The following NEIL2 variants were observed in gnomAD, a reference collection of about 807,000 sequenced individuals.
The protein encoded by NEIL2 is endonuclease 8-like 2.
NEIL2 carries 23 observed loss-of-function variants against 22.2 expected under a neutral mutation model. That is an observed-to-expected ratio of 1.04 (90% CI 0.75 to 1.47). NEIL2 has a LOEUF of 1.47. Among genes scored for constraint, NEIL2 ranks in the 40% most tolerant of loss-of-function variants. The pLI is 0.00. For synonymous variants in NEIL2, 229 were observed against 164.8 expected (o/e 1.39, Z -2.99); for missense variants, 583 against 404.7 (o/e 1.44, Z -3.78).
chr8:11,784,172 CGGA>C (rs1362166711), intron 4 of NEIL2, among the ~76,000 whole-genome samples: 2 of 152,142 alleles, frequency 1.3e-5, no homozygotes, highest in African/African-American at 4.8e-5. Flanking sequence ...TCACGAGGGT[CGGA>C]GGAGGCCAGG....
chr8:11,782,847 T>G (rs1275311342), intron 3 of NEIL2: 2 of 342,702 alleles, frequency 5.8e-6, no homozygotes, highest in Admixed American at 4.4e-5. Context: ...TGTAACGATG[T>G]GGGGATGTGT....
chr8:11,773,459 C>T (rs896888077), intron 2 of NEIL2, among the ~76,000 whole-genome samples: 9 of 152,092 alleles, frequency 5.9e-5, no homozygotes, highest in Non-Finnish European at 1.2e-4. Context: ...CGGCTTGTAT[C>T]GACACAGGCC....
chr8:11,775,537 G>T (rs1414960581), intron 2 of NEIL2, among the ~76,000 whole-genome samples: 1 of 152,204 alleles, frequency 6.6e-6, no homozygotes, highest in Non-Finnish European at 1.5e-5. Flanking sequence ...TTGGTGGTTA[G>T]CATTTGACTC....
In NEIL2 at chr8:11,785,985, C is replaced by G. The variant is rs1804894120; in HGVS notation, c.711C>G (p.Ala237=). Residue 237 remains alanine, a synonymous_variant, in exon 5 of 5, where the codon GCC becomes GCG. Coordinates refer to ENST00000284503, the MANE Select transcript of NEIL2 (RefSeq NM_145043.4). Reference sequence around the variant, plus strand: ...CAGGGAACATCATTAAGAATGAAGCCTTGTACAGAGCTGGGATCCATCCCC... The same window carrying G: ...CAGGGAACATCATTAAGAATGAAGCGTTGTACAGAGCTGGGATCCATCCCC... ...SGLGNIIKNE[A]LYRAGIHPLS... 6.2e-7 allele frequency: 1 copy of G among 1,614,114 alleles called. No homozygotes were observed. Among genetic ancestry groups the G allele is most frequent in the South Asian group, 1.1e-5 (1 of 91,082 alleles).
intron 2 of NEIL2, among the ~76,000 whole-genome samples, chr8:11,776,495 G>A (rs1238125619): frequency 3.3e-5 from 5 of 152,236 alleles, no homozygotes; most frequent in African/African-American, 1.2e-4. Context: ...GGATAATGCT[G>A]CTGTGGGCAT....
chr8:11,775,968 C>G (rs568511447), intron 2 of NEIL2, among the ~76,000 whole-genome samples: 2 of 152,216 alleles, frequency 1.3e-5, no homozygotes, highest in African/African-American at 4.8e-5. Flanking sequence ...GTTTCAACCT[C>G]TGCCTGTTAC....
intron 4 of NEIL2, 31 bp downstream of exon 4, chr8:11,783,430 A>G (rs1804624406): frequency 1.3e-6 from 2 of 1,596,396 alleles, no homozygotes; most frequent in African/African-American, 1.3e-5. Context: ...GTGAGTCCAC[A>G]GAGTTGCTTC....
At chr8:11,776,757 G>A (rs952758079) in intron 2 of NEIL2, among the ~76,000 whole-genome samples, 4 of 152,154 alleles carry the variant, frequency 2.6e-5, no homozygotes, top group Non-Finnish European at 5.9e-5. Flanking sequence ...TAGGTCCCCT[G>A]GGTTCTCTCT....
rs542226920 is a variant in NEIL2, at chr8:11,783,085, G to A, written c.492-118G>A. On this transcript the variant is annotated intron_variant, in intron 3 of 4. Transcript: ENST00000284503. ...TGTGTATGATCCAGCCACAGAGTGT[G>A]CTCTATGTTGTGGTAACGATGTGGG... is the stretch of plus-strand genomic sequence containing the variant. 64 of 829,728 alleles carry A rather than the reference G, an allele frequency of 7.7e-5. No individual in the cohort carries two copies. In the African/African-American group the frequency reaches 1.0e-3, roughly 13 times the overall value. The allele number at this position is 829,728 out of a possible 1,614,324, so 51.4% of individuals were successfully genotyped here.
chr8:11,774,973 C>T (rs1221552752), intron 2 of NEIL2, among the ~76,000 whole-genome samples: 1 of 152,238 alleles, frequency 6.6e-6, no homozygotes, highest in Non-Finnish European at 1.5e-5. Context: ...CACAGGCTGG[C>T]ATTGAGTGTC....
chr8:11,786,461 C>G lies in NEIL2; in HGVS notation c.*188C>G. On this transcript the variant is annotated 3_prime_UTR_variant, in exon 5 of 5. Transcript: ENST00000284503. Reference sequence around the variant, plus strand: ...TTTCATAGGGTTAGATTTTTTTTATCCTTTTCTAGTTCAGTTAATTCATCC... The same window carrying G: ...TTTCATAGGGTTAGATTTTTTTTATGCTTTTCTAGTTCAGTTAATTCATCC... 1 of 630,124 alleles carries G rather than the reference C, an allele frequency of 1.6e-6. No homozygotes were observed. Among genetic ancestry groups the G allele is most frequent in the Non-Finnish European group, 2.8e-6 (1 of 355,226 alleles). The allele number at this position is 630,124 out of a possible 1,614,324, so 39.0% of individuals were successfully genotyped here.
At chr8:11,780,208 G>A (rs866991488) in intron 3 of NEIL2, among the ~76,000 whole-genome samples, 1 of 152,184 alleles carries the variant, frequency 6.6e-6, no homozygotes, top group African/African-American at 2.4e-5. Context: ...GGCACTTGAG[G>A]GGGGACTGTC....
chr8:11,774,833 G>C (rs941418612), intron 2 of NEIL2, among the ~76,000 whole-genome samples: 1 of 152,256 alleles, frequency 6.6e-6, no homozygotes, highest in Non-Finnish European at 1.5e-5. Context: ...AAATCTTAAA[G>C]CTCCAAAATG....
intron 2 of NEIL2, among the ~76,000 whole-genome samples, chr8:11,771,930 C>G (rs1803487230): frequency 6.6e-6 from 1 of 152,154 alleles, no homozygotes; most frequent in South Asian, 2.1e-4. Flanking sequence ...ACCGGCTGGG[C>G]ACGGTGGCTC....
chr8:11,776,945 C>G (rs1388976333), intron 2 of NEIL2, among the ~76,000 whole-genome samples: 1 of 152,174 alleles, frequency 6.6e-6, no homozygotes, highest in Non-Finnish European at 1.5e-5. Flanking sequence ...GTAGTGCTAA[C>G]AGCGCACGCC....
rs771859753 is a variant in NEIL2 at position 11,786,110 on chromosome 8, G to C, written c.836G>C (p.Arg279Thr). ...TAWLQGKFQGRPQHTQVYQKE... is the reference protein window; with the variant it reads ...TAWLQGKFQGTPQHTQVYQKE... ...TGGCTGCAGGGCAAGTTCCAAGGCAGACCGCAGCACACACAGGTCTACCAG... is the reference window on the plus strand; with the variant it reads ...TGGCTGCAGGGCAAGTTCCAAGGCACACCGCAGCACACACAGGTCTACCAG... The change falls in exon 5 of 5, where the codon AGA (arginine) becomes ACA (threonine). Residue 279 changes from arginine (R) to threonine (T), a missense_variant. Physicochemically the swap from Arg to Thr is moderately conservative, Grantham distance 71. Transcript: ENST00000284503. 1 of 1,614,046 alleles carries C rather than the reference G, an allele frequency of 6.2e-7. No homozygotes were observed. The highest frequency in any genetic ancestry group is 1.3e-5 in the African/African-American group (1 of 74,906).
Position 11,786,034 on chromosome 8 carries a change from G to A in NEIL2, c.760G>A (p.Ala254Thr). 1 of 1,614,140 alleles carries A rather than the reference G, an allele frequency of 6.2e-7. No homozygotes were observed. The highest frequency in any genetic ancestry group is 8.5e-7 in the Non-Finnish European group (1 of 1,180,004). Residue 254 changes from alanine (A) to threonine (T), a missense_variant, in exon 5 of 5, where the codon GCC becomes ACC. Ala to Thr is a moderately conservative substitution (Grantham distance 58, BLOSUM62 0). Coordinates refer to ENST00000284503, the MANE Select transcript of NEIL2 (RefSeq NM_145043.4). The stretch of plus-strand genomic sequence containing the variant: ...CCTTTCTCTCGGTTCAGTCCTGAGT[G>A]CCTCGCGTCGGGAGGTCCTGGTGGA... ...HPLSLGSVLS[A>T]SRREVLVDHV...
At chr8:11,783,629 A>G (rs1396189195) in intron 4 of NEIL2, among the ~76,000 whole-genome samples, 1 of 152,214 alleles carries the variant, frequency 6.6e-6, no homozygotes, top group Non-Finnish European at 1.5e-5. Flanking sequence ...TAACTGTGTT[A>G]TCAGTTGTGA....
chr8:11,776,240 C>T (rs995085845), intron 2 of NEIL2, among the ~76,000 whole-genome samples: 2 of 152,162 alleles, frequency 1.3e-5, no homozygotes, highest in Non-Finnish European at 2.9e-5. Context: ...GGGGAACTGC[C>T]CTTTATAAAA....
Sources: gnomAD v4.1 joint callset for allele counts (sites outside exome capture counted in the v4.1 genomes callset) on GRCh38, gnomAD v4.1.1 for gene constraint, MANE v1.5 for transcripts, NCBI Gene and HGNC (gene_info 2026-07-23, HGNC 2026-07-21) for gene names.